VWA5B1: variants seen among roughly 807,000 people sequenced by gnomAD.
VWA5B1 encodes the protein von Willebrand factor A domain containing 5B1.
A neutral mutation model predicts 118.2 loss-of-function variants in VWA5B1; 115 were observed. The ratio of observed to expected loss-of-function variants is 0.97; its 90% confidence interval spans 0.84 to 1.14. The LOEUF (loss-of-function observed/expected upper bound fraction) is 1.14, where lower values mean the gene tolerates loss of function less well. Ranked by LOEUF, VWA5B1 falls within the 50% of genes most tolerant of loss-of-function variation. The pLI is 0.00. For synonymous variants in VWA5B1, 682 were observed against 658.4 expected, an observed-to-expected ratio of 1.04 and a Z score of -0.55; for missense variants, 1,596 against 1,603.8, an observed-to-expected ratio of 1.00 and a Z score of 0.08.
intron 1 of VWA5B1, among the ~76,000 whole-genome samples, chr1:20,298,113 C>G (rs1003735757): frequency 2.6e-5 from 4 of 151,096 alleles, no homozygotes; most frequent in African/African-American, 9.7e-5. Context: ...TGGGCTCAGG[C>G]AATTCTCCTA....
At chr1:20,344,759 T>A (rs4654857) in intron 16 of VWA5B1, among the ~76,000 whole-genome samples, 10,010 of 152,296 alleles carry the variant, frequency 0.066, 394 homozygotes, top group Admixed American at 0.094. Flanking sequence ...TTATTTTGTT[T>A]ATATTTTACT....
At chr1:20,314,737 G>T (rs2088953727) in intron 4 of VWA5B1, 145 bp downstream of exon 4, 1 of 1,398,556 alleles carries the variant, frequency 7.2e-7, no homozygotes, top group Admixed American at 2.7e-5. Flanking sequence ...TGAGCCATTT[G>T]CTTCTCCCCT....
At chr1:20,339,964 A>G (rs1387021507) in intron 14 of VWA5B1, among the ~76,000 whole-genome samples, 2 of 152,188 alleles carry the variant, frequency 1.3e-5, no homozygotes, top group Admixed American at 1.3e-4. Context: ...TCTTCCAGGC[A>G]TTGGCTGATA....
chr1:20,343,973 A>C (rs1570213425), intron 16 of VWA5B1, among the ~76,000 whole-genome samples: 4 of 41,312 alleles, frequency 9.7e-5, no homozygotes, highest in Admixed American at 3.1e-4. Context: ...TCATCTCCCC[A>C]CAGCCCCGCC....
At chr1:20,323,190 C>T (rs1484521515) in intron 7 of VWA5B1, 166 bp from the exon 8 acceptor site, 3 of 542,490 alleles carry the variant, frequency 5.5e-6, no homozygotes, top group Non-Finnish European at 8.5e-6. Context: ...TGTTGCAACC[C>T]GTGAAGGTCT....
intron 21 of VWA5B1, among the ~76,000 whole-genome samples, chr1:20,353,372 CATG>C (rs2090167348): frequency 2.0e-5 from 3 of 152,046 alleles, no homozygotes; most frequent in Non-Finnish European, 4.4e-5. Context: ...GCAGGAATAA[CATG>C]AGGAAGCACG....
chr1:20,336,852 T>C (rs1278344333), intron 13 of VWA5B1, among the ~76,000 whole-genome samples: 3 of 152,126 alleles, frequency 2.0e-5, no homozygotes, highest in Non-Finnish European at 2.9e-5. Context: ...TAGTGAGAGA[T>C]ACATCTGGCA....
intron 1 of VWA5B1, among the ~76,000 whole-genome samples, chr1:20,294,555 C>T (rs916035962): frequency 5.3e-5 from 8 of 152,234 alleles, no homozygotes; most frequent in African/African-American, 1.9e-4. Flanking sequence ...TCTCGGCTCA[C>T]CGCAACCTCC....
At chr1:20,291,387 T>TCTCTCTCTCTCTCTCTCTCTCTCTC (rs57894456) in intron 1 of VWA5B1, among the ~76,000 whole-genome samples, 27 of 114,226 alleles carry the variant, frequency 2.4e-4, no homozygotes, top group African/African-American at 7.5e-4. Context: ...CTCTCTCTCT[T>TCTCTCTCTCTCTCTCTCTCTCTCTC]TCTGTCTCCT....
At position 20,354,382 on chromosome 1, in the gene VWA5B1, G is replaced by A; in HGVS notation, c.*119G>A. On this transcript the variant is annotated 3_prime_UTR_variant, in exon 22 of 22. Transcript: ENST00000289815. The stretch of plus-strand genomic sequence containing the variant: ...TAACTAATATTTCAGTTACTAGAAA[G>A]AGCCCTGGACTGGCAGCCAGGAGGC... The A allele has an allele frequency of 7.6e-7, 1 of 1,310,920 alleles. No individual in the cohort carries two copies. The highest frequency in any genetic ancestry group is 1.0e-6 in the Non-Finnish European group (1 of 982,208). 81.2% of individuals were successfully genotyped at this position (1,310,920 alleles called of 1,614,324 possible). A position where few individuals can be genotyped will look rare whatever the true frequency, so the allele number is the denominator to read the frequency against.
chr1:20,349,679 G>A (rs913640644), intron 18 of VWA5B1, among the ~76,000 whole-genome samples: 1 of 150,442 alleles, frequency 6.6e-6, no homozygotes, highest in Non-Finnish European at 1.5e-5. Flanking sequence ...ACCATGCCTG[G>A]CTACAAATCC....
chr1:20,349,757 A>C (rs1179023825), intron 18 of VWA5B1, among the ~76,000 whole-genome samples: 1 of 132,174 alleles, frequency 7.6e-6, no homozygotes, highest in Non-Finnish European at 1.6e-5. Flanking sequence ...TTTTTTTGAG[A>C]CAGGGCCCGT....
chr1:20,295,449 A>G (rs1296412673), intron 1 of VWA5B1, among the ~76,000 whole-genome samples: 1 of 152,160 alleles, frequency 6.6e-6, no homozygotes, highest in Non-Finnish European at 1.5e-5. Flanking sequence ...AGAAATTGAA[A>G]TCTCACCTCT....
At position 20,344,269 on chromosome 1, in the gene VWA5B1, G is replaced by A. The variant is rs1263691663; in HGVS notation, c.2626+876G>A. Reference sequence around the variant, plus strand: ...TTTCCCAGTGCTTCTCCCCTGCAGCGGCCCCTGTCTCTCCAGAGACAGAAC... The same window carrying A: ...TTTCCCAGTGCTTCTCCCCTGCAGCAGCCCCTGTCTCTCCAGAGACAGAAC... On this transcript the variant is annotated intron_variant, in intron 16 of 21. Coordinates refer to ENST00000289815, the MANE Select transcript of VWA5B1 (RefSeq NM_001039500.3). 2.0e-5 allele frequency among the ~76,000 whole-genome samples: 3 copies of A among 151,832 alleles called. No homozygotes were observed. The East Asian group carries it at 5.9e-4, about 30-fold the overall frequency.
chr1:20,331,002 G>T lies in VWA5B1; in HGVS notation c.1572+19G>T. On this transcript the variant is annotated intron_variant, in intron 11 of 21. Transcript: ENST00000289815. ...ACCCAAGGTAGGCAGCAGAACCCAC[G>T]CAGTCCCTTCTGGTGCTGGAACCTC... 2 of 1,529,170 alleles carry T rather than the reference G, an allele frequency of 1.3e-6. No individual in the cohort carries two copies. 94.7% of individuals were successfully genotyped at this position (1,529,170 alleles called of 1,614,324 possible).
chr1:20,332,646 C>T (rs1450730693), intron 11 of VWA5B1, 120 bp from the exon 12 acceptor site: 2 of 1,094,780 alleles, frequency 1.8e-6, no homozygotes, highest in Admixed American at 2.5e-5. Context: ...GGCAAGTCAC[C>T]ACAAGGCCTA....
chr1:20,358,212 A>G lies in VWA5B1; in HGVS notation c.*3949A>G, dbSNP rs230175. 0.48 allele frequency among the ~76,000 whole-genome samples: 72,803 copies of G among 152,122 alleles called. 19,263 individuals are homozygous for G. The highest frequency in any genetic ancestry group is 0.72 in the African/African-American group (29,731 of 41,488). ...CTGCCACTTGCTGTGGCTGATGAAT[A>G]GACTAGCTGCTTCCAAGACTCGATT... is the stretch of plus-strand genomic sequence containing the variant. On this transcript the variant is annotated 3_prime_UTR_variant, in exon 22 of 22. Transcript: ENST00000289815.
intron 4 of VWA5B1, 90 bp from the exon 5 acceptor site, chr1:20,317,440 T>A: frequency 6.7e-7 from 1 of 1,489,620 alleles, no homozygotes. Flanking sequence ...CTGGGCTGCC[T>A]GGAACTCATC....
chr1:20,347,811 GC>G (rs1349999172), intron 17 of VWA5B1, among the ~76,000 whole-genome samples: 2 of 151,810 alleles, frequency 1.3e-5, no homozygotes, highest in African/African-American at 4.9e-5. Flanking sequence ...TCTTGGTGAT[GC>G]CCTGGGATTT....
Sources: allele counts gnomAD v4.1 joint callset (sites outside exome capture counted in the v4.1 genomes callset), GRCh38; gene constraint gnomAD v4.1.1; transcripts MANE v1.5; gene names NCBI Gene and HGNC (gene_info 2026-07-23, HGNC 2026-07-21).